The following PREP variants were observed in gnomAD, a reference collection of about 807,000 sequenced individuals.
PREP encodes the protein prolyl endopeptidase.
PREP carries 29 observed loss-of-function variants against 87.6 expected under a neutral mutation model. The observed-to-expected ratio is 0.33, with a 90% CI of 0.25 to 0.45. The LOEUF (loss-of-function observed/expected upper bound fraction) is 0.45, where lower values mean the gene tolerates loss of function less well. PREP is among the 20% of genes least tolerant of loss of function. The probability of loss-of-function intolerance (pLI) is 1.00; values close to 1 mark genes in which losing one functional copy is unlikely to be tolerated. For missense variants in PREP, 695 were observed against 886.5 expected (o/e 0.78, Z 2.74); for synonymous variants, 337 against 328.6 (o/e 1.03, Z -0.28).
chr6:105,402,969 G>A lies in PREP; in HGVS notation c.-78C>T. The A allele has an allele frequency of 1.3e-6, 1 of 781,684 alleles. No individual in the cohort carries two copies. The highest frequency in any genetic ancestry group is 1.8e-6 in the Non-Finnish European group (1 of 561,984). The allele number at this position is 781,684 out of a possible 1,614,324, so 48.4% of individuals were successfully genotyped here. A position where few individuals can be genotyped will look rare whatever the true frequency, so the allele number is the denominator to read the frequency against. ...CCTGAGCTAGCCGGGCTGGCCGCGA[G>A]GCGCGGCTGGGGCGCAGGCAGCTGC... On this transcript the variant is annotated 5_prime_UTR_variant, in exon 1 of 15. Transcript: ENST00000652536.
At chr6:105,294,439 C>G (rs1770364434) in intron 10 of PREP, among the ~76,000 whole-genome samples, 1 of 152,222 alleles carries the variant, frequency 6.6e-6, no homozygotes, top group African/African-American at 2.4e-5. Flanking sequence ...ACCTAGGTCT[C>G]CTGTGATTTC....
chr6:105,398,593 A>G (rs1773345552), intron 1 of PREP, among the ~76,000 whole-genome samples: 1 of 152,202 alleles, frequency 6.6e-6, no homozygotes, highest in East Asian at 1.9e-4. Context: ...TCACCCATTC[A>G]GGTTACCATG....
chr6:105,318,094 G>A (rs1339370670), intron 10 of PREP, among the ~76,000 whole-genome samples: 2 of 151,974 alleles, frequency 1.3e-5, no homozygotes, highest in African/African-American at 4.8e-5. Context: ...GCCTTTTTTT[G>A]CCTTGTGTGG....
chr6:105,353,116 A>G (rs1772002002), intron 6 of PREP, 39 bp from the exon 7 acceptor site: 1 of 1,476,996 alleles, frequency 6.8e-7, no homozygotes, highest in Non-Finnish European at 9.4e-7. Flanking sequence ...GACTAATTAG[A>G]ATTTATTTTT....
chr6:105,367,036 A>C (rs957619191), intron 6 of PREP, among the ~76,000 whole-genome samples: 1 of 152,180 alleles, frequency 6.6e-6, no homozygotes, highest in African/African-American at 2.4e-5. Flanking sequence ...GTTGTACAAC[A>C]ATGTCAATGA....
rs1022712304 is a variant in PREP at position 105,370,877 on chromosome 6, G to T, written c.596-1853C>A. Among the ~76,000 whole-genome samples the T allele has an allele frequency of 3.9e-5, 6 of 152,206 alleles. No individual in the cohort carries two copies. In the East Asian group the frequency reaches 1.2e-3, roughly 29 times the overall value. On this transcript the variant is annotated intron_variant, in intron 5 of 14. Coordinates refer to ENST00000652536, the MANE Select transcript of PREP (RefSeq NM_002726.5). Reference sequence around the variant, plus strand: ...CCAAAGATTGGGGTGAGAAAGGAATGAATTGTTAGAAGACAAAGGATTTTT... The same window carrying T: ...CCAAAGATTGGGGTGAGAAAGGAATTAATTGTTAGAAGACAAAGGATTTTT...
In PREP at chr6:105,277,994, A is replaced by C; in HGVS notation, c.*150T>G. 2 of 1,119,092 alleles carry C rather than the reference A, an allele frequency of 1.8e-6. No individual in the cohort carries two copies. Among genetic ancestry groups the C allele is most frequent in the East Asian group, 2.4e-5 (1 of 41,946 alleles). 69.3% of individuals were successfully genotyped at this position (1,119,092 alleles called of 1,614,324 possible). ...AAAAAGGAGAAGCCTAAAAAAGATA[A>C]AATTCCCACGGCAGTTCTGTTCAAC... On this transcript the variant is annotated 3_prime_UTR_variant, in exon 15 of 15. Transcript: ENST00000652536.
chr6:105,323,072 C>G, intron 10 of PREP: 1 of 1,304,110 alleles, frequency 7.7e-7, no homozygotes, highest in Non-Finnish European at 1.0e-6. Context: ...ATCAATCAAC[C>G]AGTGATTCAG....
In PREP at chr6:105,282,497, G is replaced by C. The variant is rs771745248; in HGVS notation, c.1635C>G (p.Pro545=). Residue 545 remains proline (P), a synonymous_variant, in exon 13 of 15, where the codon CCC becomes CCG. Coordinates refer to ENST00000652536, the MANE Select transcript of PREP (RefSeq NM_002726.5). The part of the protein sequence containing the change: ...EYLIKEGYTS[P]KRLTINGGSN... ...AACCTCCATTAATAGTCAGCCTCTT[G>C]GGAGATGTGTAACCTTCCTTGATCA... The C allele has an allele frequency of 3.1e-6, 5 of 1,614,100 alleles. No individual in the cohort carries two copies. The South Asian group carries it at 5.5e-5, about 18-fold the overall frequency.
intron 5 of PREP, among the ~76,000 whole-genome samples, chr6:105,372,352 G>A (rs1025813794): frequency 2.0e-5 from 3 of 152,168 alleles, no homozygotes; most frequent in Non-Finnish European, 2.9e-5. Context: ...AAATTACTGA[G>A]CCTCTGTGCC....
At chr6:105,392,281 G>A (rs1332078924) in intron 2 of PREP, among the ~76,000 whole-genome samples, 2 of 151,804 alleles carry the variant, frequency 1.3e-5, no homozygotes, top group Non-Finnish European at 2.9e-5. Context: ...CTCGTGATCC[G>A]CCCACCTTGG....
At chr6:105,281,650 C>T in intron 14 of PREP, 96 bp downstream of exon 14, 1 of 1,436,380 alleles carries the variant, frequency 7.0e-7, no homozygotes, top group Non-Finnish European at 9.4e-7. Flanking sequence ...AATGCAAGAC[C>T]CTGACAGTGA....
rs187218266 is a variant in PREP, at chr6:105,288,745, G to A, written c.1454+13C>T. On this transcript the variant is annotated intron_variant, in intron 11 of 14. Coordinates refer to ENST00000652536, the MANE Select transcript of PREP (RefSeq NM_002726.5). ...GATAAAATACTGGCACTCTGAGTGC[G>A]TTCCGAGCTCACCTGTAGTTGGGTG... is the stretch of plus-strand genomic sequence containing the variant. The A allele has an allele frequency of 2.1e-4, 340 of 1,613,498 alleles. 1 individual carries two copies. The African/African-American group carries it at 3.7e-3, about 18-fold the overall frequency.
chr6:105,402,763 G>T, intron 1 of PREP, 84 bp downstream of exon 1: 1 of 1,324,804 alleles, frequency 7.5e-7, no homozygotes. Flanking sequence ...AAGGCCTACA[G>T]GAAGAGGAGC....
chr6:105,362,515 T>C (rs1472937876), intron 6 of PREP, among the ~76,000 whole-genome samples: 1 of 152,176 alleles, frequency 6.6e-6, no homozygotes, highest in African/African-American at 2.4e-5. Flanking sequence ...GAAAAACAAG[T>C]GTTCTGTAAG....
At chr6:105,380,631 C>T (rs1354349444) in intron 2 of PREP, among the ~76,000 whole-genome samples, 1 of 152,076 alleles carries the variant, frequency 6.6e-6, no homozygotes, top group Non-Finnish European at 1.5e-5. Context: ...AGAAAATGGG[C>T]ACAGCACATG....
intron 10 of PREP, among the ~76,000 whole-genome samples, chr6:105,303,604 A>G (rs1402013076): frequency 6.6e-6 from 1 of 152,174 alleles, no homozygotes; most frequent in East Asian, 1.9e-4. Flanking sequence ...CCACAAAGCT[A>G]CATCTCAGGC....
chr6:105,320,660 A>G (rs1770980869), intron 10 of PREP, among the ~76,000 whole-genome samples: 1 of 152,206 alleles, frequency 6.6e-6, no homozygotes, highest in Admixed American at 6.5e-5. Context: ...CATCAAAATG[A>G]TAATATGCCT....
chr6:105,357,258 C>T (rs916494605), intron 6 of PREP, among the ~76,000 whole-genome samples: 3 of 152,206 alleles, frequency 2.0e-5, no homozygotes, highest in African/African-American at 4.8e-5. Context: ...TTACAGCTTA[C>T]ATCAATCATA....
Sources: gnomAD v4.1 joint callset for allele counts (sites outside exome capture counted in the v4.1 genomes callset) on GRCh38, gnomAD v4.1.1 for gene constraint, MANE v1.5 for transcripts, NCBI Gene and HGNC (gene_info 2026-07-23, HGNC 2026-07-21) for gene names.